The following VWA2 variants were observed in gnomAD, a reference collection of about 807,000 sequenced individuals.
VWA2 encodes von Willebrand factor A domain-containing protein 2.
In VWA2, 73 loss-of-function variants were observed where a neutral mutation model predicts 70.4. The observed-to-expected ratio is 1.04, with a 90% CI of 0.86 to 1.26. VWA2 has a LOEUF of 1.26. VWA2 is among the 50% of genes most tolerant of loss of function. VWA2 has a pLI of 0.00. For missense variants in VWA2, 1,011 were observed against 998.5 expected (o/e 1.01, Z -0.17); for synonymous variants, 407 against 423.3 (o/e 0.96, Z 0.47).
At chr10:114,275,149 A>G (rs1042493905) in intron 6 of VWA2, among the ~76,000 whole-genome samples, 2 of 152,100 alleles carry the variant, frequency 1.3e-5, no homozygotes, top group African/African-American at 4.8e-5. Context: ...AAGATGACCA[A>G]CGGGCCAGCA....
chr10:114,253,514 T>C, intron 2 of VWA2, 137 bp from the exon 3 acceptor site: 1 of 726,416 alleles, frequency 1.4e-6, no homozygotes. Flanking sequence ...TGGTAATTTT[T>C]GAGATGCAAG....
Position 114,247,674 on chromosome 10 carries a change from A to C in VWA2, c.-10-1030A>C, listed in dbSNP as rs563812291. The stretch of plus-strand genomic sequence containing the variant: ...GCAAATAACTATGTCAAAAAAAAAA[A>C]CAAAACGGAGCTGGATGTATCTTGA... On this transcript the variant is annotated intron_variant, in intron 1 of 13. Coordinates refer to ENST00000392982, the MANE Select transcript of VWA2 (RefSeq NM_001272046.2). Among the ~76,000 whole-genome samples the C allele has an allele frequency of 1.4e-3, 219 of 152,110 alleles. 3 individuals carry two copies. The highest frequency in any genetic ancestry group is 5.2e-3 in the African/African-American group (217 of 41,524).
At position 114,248,745 on chromosome 10, in the gene VWA2, G is replaced by GTGTTTTCC; in HGVS notation, c.41_48dup (p.Arg17CysfsTer16). The GTGTTTTCC allele has an allele frequency of 6.2e-7, 1 of 1,613,714 alleles. No homozygotes were observed. Among genetic ancestry groups the GTGTTTTCC allele is most frequent in the Non-Finnish European group, 8.5e-7 (1 of 1,179,656 alleles). The stretch of plus-strand genomic sequence containing the variant: ...CCTTTCCTGTTGCTGGAAGCCGTCT[G>GTGTTTTCC]TGTTTTCCTGTTTTCCAGAGGTAAG... On this transcript the variant is annotated frameshift_variant, in exon 2 of 14. Transcript: ENST00000392982. LOFTEE classifies it high-confidence loss of function.
chr10:114,268,757 C>T (rs1333459400), intron 5 of VWA2, among the ~76,000 whole-genome samples: 2 of 150,190 alleles, frequency 1.3e-5, no homozygotes, highest in African/African-American at 2.5e-5. Flanking sequence ...TGCAGTGGCG[C>T]GATCTTGGCT....
At chr10:114,247,929 T>A (rs569057174) in intron 1 of VWA2, among the ~76,000 whole-genome samples, 48 of 151,802 alleles carry the variant, frequency 3.2e-4, no homozygotes, top group African/African-American at 6.8e-4. Context: ...AGTTTTTTTT[T>A]AAAAAAACTT....
intron 3 of VWA2, among the ~76,000 whole-genome samples, chr10:114,254,595 C>A (rs947822961): frequency 6.6e-6 from 1 of 152,190 alleles, no homozygotes; most frequent in Non-Finnish European, 1.5e-5. Flanking sequence ...AGACTGTGGT[C>A]CCCCGAGGCC....
intron 5 of VWA2, among the ~76,000 whole-genome samples, chr10:114,266,177 G>T (rs562914872): frequency 2.6e-5 from 4 of 151,938 alleles, no homozygotes; most frequent in African/African-American, 9.7e-5. Flanking sequence ...GGCGCCTGTA[G>T]TCCCAGCTAC....
chr10:114,252,964 T>G (rs967603892), intron 2 of VWA2, among the ~76,000 whole-genome samples: 3 of 151,714 alleles, frequency 2.0e-5, no homozygotes, highest in African/African-American at 7.3e-5. Flanking sequence ...CCCCTCTAGC[T>G]TTGTTTCCTC....
intron 5 of VWA2, among the ~76,000 whole-genome samples, chr10:114,263,999 A>G (rs1203698771): frequency 1.3e-5 from 2 of 152,254 alleles, no homozygotes; most frequent in East Asian, 3.8e-4. Context: ...AGAGACTGAC[A>G]AAAACAAGTG....
chr10:114,259,119 C>T (rs1326737857), intron 4 of VWA2, among the ~76,000 whole-genome samples: 1 of 152,076 alleles, frequency 6.6e-6, no homozygotes, highest in Admixed American at 6.6e-5. Flanking sequence ...TAAAAAATTG[C>T]CTTCCATGGA....
rs1368560540 is a variant in VWA2, at chr10:114,289,118, G to T, written c.1751G>T (p.Gly584Val). The change falls in exon 12 of 14, where the codon GGG becomes GTG. Residue 584 changes from glycine (G) to valine (V), a missense_variant. By Grantham distance (109) the Gly-to-Val change is moderately radical. Coordinates refer to ENST00000392982, the MANE Select transcript of VWA2 (RefSeq NM_001272046.2). ...VYGSQVQTAF[G>V]LDTKPTRAAM... is the part of the protein sequence containing the mutation. ...GGCAGCCAGGTGCAGACTGCCTTCG[G>T]GCTGGACACCAAACCCACCCGGGCT... 8 of 1,613,960 alleles carry T rather than the reference G, an allele frequency of 5.0e-6. No individual in the cohort carries two copies. Among genetic ancestry groups the T allele is most frequent in the Non-Finnish European group, 6.8e-6 (8 of 1,180,036 alleles).
chr10:114,248,606 C>A, intron 1 of VWA2, 98 bp from the exon 2 acceptor site: 1 of 1,041,120 alleles, frequency 9.6e-7, no homozygotes, highest in South Asian at 1.3e-5. Context: ...TATCTGTGAC[C>A]TGGAAAAGGC....
chr10:114,243,175 G>C (rs2133275243), intron 1 of VWA2, among the ~76,000 whole-genome samples: 1 of 152,350 alleles, frequency 6.6e-6, no homozygotes, highest in South Asian at 2.1e-4. Flanking sequence ...TGTGTCTGCA[G>C]ATGCAGAAAG....
chr10:114,288,883 C>T lies in VWA2; in HGVS notation c.1571-55C>T, dbSNP rs200921074. On this transcript the variant is annotated intron_variant, in intron 11 of 13. Coordinates refer to ENST00000392982, the MANE Select transcript of VWA2 (RefSeq NM_001272046.2). ...CAACCTGGCAGTCCCTGGGTCCCGT[C>T]GAGGGGCTCTGACTGGCACATCCAC... 3,084 of 1,549,068 alleles carry T rather than the reference C, an allele frequency of 2.0e-3. 5 individuals carry two copies. Among genetic ancestry groups the T allele is most frequent in the Non-Finnish European group, 2.3e-3 (2,669 of 1,145,008 alleles).
At chr10:114,254,263 G>T (rs898180375) in intron 3 of VWA2, among the ~76,000 whole-genome samples, 2 of 151,744 alleles carry the variant, frequency 1.3e-5, no homozygotes, top group African/African-American at 4.8e-5. Context: ...GTAGAGATGG[G>T]GTTTCGCCAT....
At chr10:114,246,174 A>G (rs2037063130) in intron 1 of VWA2, 5 of 1,187,570 alleles carry the variant, frequency 4.2e-6, no homozygotes, top group Non-Finnish European at 3.7e-6. Context: ...CCTCCTTTTG[A>G]GGCAAACGTA....
intron 2 of VWA2, 44 bp from the exon 3 acceptor site, chr10:114,253,607 C>A (rs1187920345): frequency 6.4e-7 from 1 of 1,556,450 alleles, no homozygotes; most frequent in South Asian, 1.1e-5. Flanking sequence ...AGCCTCCTCC[C>A]CTCTCAGCAT....
Position 114,253,637 on chromosome 10 carries a change from G to GT in VWA2, c.53-10dup. On this transcript the variant is annotated splice_polypyrimidine_tract_variant and intron_variant, in intron 2 of 13. Transcript: ENST00000392982. ...CAGCATTTTAATGGCTGCTTCTGGT[G>GT]TTTTCTCTCCTAGTGCCCCCATCTC... 6.2e-7 allele frequency: 1 copy of GT among 1,610,780 alleles called. No homozygotes were observed. The highest frequency in any genetic ancestry group is 8.5e-7 in the Non-Finnish European group (1 of 1,179,090).
At chr10:114,285,800 G>A (rs1370957680) in intron 10 of VWA2, 139 bp from the exon 11 acceptor site, 4 of 905,584 alleles carry the variant, frequency 4.4e-6, no homozygotes, top group Non-Finnish European at 6.5e-6. Flanking sequence ...TCTGTGACGA[G>A]CACGGGTCAC....
Sources: gnomAD v4.1 joint callset for allele counts (sites outside exome capture counted in the v4.1 genomes callset) on GRCh38, gnomAD v4.1.1 for gene constraint, MANE v1.5 for transcripts, NCBI Gene and HGNC (gene_info 2026-07-23, HGNC 2026-07-21) for gene names.